ADCY2: variants seen among roughly 807,000 people sequenced by gnomAD.
The protein encoded by ADCY2 is adenylate cyclase 2, also known as adenylate cyclase type 2.
A neutral mutation model predicts 125.2 loss-of-function variants in ADCY2; 31 were observed. The observed-to-expected ratio is 0.25, with a 90% confidence interval of 0.19 to 0.33. The LOEUF (loss-of-function observed/expected upper bound fraction) is 0.33. Among genes scored for constraint, ADCY2 ranks in the 10% least tolerant of loss-of-function variants. The pLI is 1.00. For synonymous variants in ADCY2, 512 were observed against 548.4 expected (o/e 0.93, Z 0.93); for missense variants, 904 against 1,418.2 (o/e 0.64, Z 5.82).
In ADCY2 at chr5:7,690,703, C is replaced by A. The variant is rs777192402; in HGVS notation, c.733C>A (p.Leu245Ile). 3 of 1,593,036 alleles carry A rather than the reference C, an allele frequency of 1.9e-6. No individual in the cohort carries two copies. The highest frequency in any genetic ancestry group is 1.7e-6 in the Non-Finnish European group (2 of 1,171,298). ...FEKRQQERLLLSLLPAHIAME... is the reference protein window; with the variant it reads ...FEKRQQERLLISLLPAHIAME... ...CCACCTTGTCCAGGAGCGGCTTCTGCTCTCCCTGCTGCCGGCCCACATCGC... is the reference window on the plus strand; with the variant it reads ...CCACCTTGTCCAGGAGCGGCTTCTGATCTCCCTGCTGCCGGCCCACATCGC... The change falls in exon 5 of 25, where the codon CTC becomes ATC. Residue 245 changes from leucine to isoleucine, a missense_variant. Physicochemically the swap from Leu to Ile is conservative, Grantham distance 5. Coordinates refer to ENST00000338316, the MANE Select transcript of ADCY2 (RefSeq NM_020546.3).
At chr5:7,615,866 A>C (rs1257997995) in intron 3 of ADCY2, among the ~76,000 whole-genome samples, 1 of 152,244 alleles carries the variant, frequency 6.6e-6, no homozygotes, top group African/African-American at 2.4e-5. Context: ...TGTAGGTGGC[A>C]GTATTGAATC....
intron 1 of ADCY2, among the ~76,000 whole-genome samples, chr5:7,402,897 AC>A (rs1739318556): frequency 6.6e-6 from 1 of 152,278 alleles, no homozygotes. Flanking sequence ...TAGGGTCATC[AC>A]CCCATAGAAA....
In ADCY2 at chr5:7,400,285, A is replaced by AC. The variant is rs774141710; in HGVS notation, c.210+3779_210+3780insC. ...TGAAATAAGAGTATGCACTTTTATT[A>AC]ACTATAAATAGGTAATATATGTGAC... On this transcript the variant is annotated intron_variant, in intron 1 of 24. Transcript: ENST00000338316. 2.0e-5 allele frequency among the ~76,000 whole-genome samples: 3 copies of AC among 152,352 alleles called. No individual in the cohort carries two copies. In the East Asian group the frequency reaches 5.8e-4, roughly 29 times the overall value.
chr5:7,555,342 A>G (rs1272955539), intron 3 of ADCY2, among the ~76,000 whole-genome samples: 1 of 152,180 alleles, frequency 6.6e-6, no homozygotes, highest in Non-Finnish European at 1.5e-5. Context: ...AAAATTATGA[A>G]AACTTAAGTG....
chr5:7,820,699 AGT>A lies in ADCY2; in HGVS notation c.3123+14_3123+15del, dbSNP rs1219404258. 1 of 1,612,434 alleles carries A rather than the reference AGT, an allele frequency of 6.2e-7. No homozygotes were observed. The highest frequency in any genetic ancestry group is 1.7e-5 in the Admixed American group (1 of 59,954). ...CCTGGACAAAATACAGGTAATGCAG[AGT>A]GTGGTCTGCGCTGCCTGCATCAACC... On this transcript the variant is annotated intron_variant, in intron 24 of 24. Coordinates refer to ENST00000338316, the MANE Select transcript of ADCY2 (RefSeq NM_020546.3).
intron 7 of ADCY2, among the ~76,000 whole-genome samples, chr5:7,702,296 G>T (rs920231718): frequency 6.9e-6 from 1 of 144,144 alleles, no homozygotes; most frequent in African/African-American, 2.6e-5. Context: ...TGTTATATAT[G>T]TATACATGTG....
chr5:7,711,573 T>C (rs962940436), intron 10 of ADCY2, among the ~76,000 whole-genome samples: 4 of 152,228 alleles, frequency 2.6e-5, no homozygotes, highest in African/African-American at 9.6e-5. Context: ...TCAGCCTTTA[T>C]TGTCTTAAGA....
intron 3 of ADCY2, 27 bp from the exon 4 acceptor site, chr5:7,626,140 A>G (rs201660242): frequency 6.2e-7 from 1 of 1,604,376 alleles, no homozygotes; most frequent in African/African-American, 1.3e-5. Context: ...CAGTTACCCT[A>G]TTGAGCAGCT....
chr5:7,800,648 T>G (rs1403776722), intron 20 of ADCY2: 1 of 151,808 alleles, frequency 6.6e-6, no homozygotes, highest in Non-Finnish European at 1.5e-5. Context: ...GGCAATAGAG[T>G]GAGACTTTGT....
At chr5:7,665,216 A>G (rs897418717) in intron 4 of ADCY2, among the ~76,000 whole-genome samples, 1 of 152,130 alleles carries the variant, frequency 6.6e-6, no homozygotes, top group Non-Finnish European at 1.5e-5. Flanking sequence ...GACTCTTTTC[A>G]TCAACACCAT....
chr5:7,826,600 AGGAGTGGAATTCCTG>A (rs1561050935), intron 24 of ADCY2, 104 bp from the exon 25 acceptor site: 1 of 1,303,614 alleles, frequency 7.7e-7, no homozygotes, highest in Non-Finnish European at 1.1e-6. Flanking sequence ...CTAACTTCTC[AGGAGTGGAATTCCTG>A]GGTCAAAGAG....
intron 20 of ADCY2, chr5:7,801,119 G>C (rs1744581190): frequency 6.6e-6 from 1 of 152,174 alleles, no homozygotes; most frequent in African/African-American, 2.4e-5. Flanking sequence ...GGCTCTGATG[G>C]GTTTGTGACG....
intron 2 of ADCY2, among the ~76,000 whole-genome samples, chr5:7,441,644 T>G (rs954008040): frequency 3.9e-5 from 6 of 152,180 alleles, no homozygotes. Flanking sequence ...ATAACCACCA[T>G]GATATTTGTG....
At chr5:7,412,653 A>G (rs1346022906) in intron 1 of ADCY2, among the ~76,000 whole-genome samples, 2 of 152,250 alleles carry the variant, frequency 1.3e-5, no homozygotes, top group Non-Finnish European at 2.9e-5. Flanking sequence ...CATTTGATCT[A>G]CTTGTTTTCT....
At chr5:7,711,576 TCTTAAGA>T (rs980867872) in intron 10 of ADCY2, among the ~76,000 whole-genome samples, 4 of 152,214 alleles carry the variant, frequency 2.6e-5, no homozygotes, top group Admixed American at 2.6e-4. Flanking sequence ...GCCTTTATTG[TCTTAAGA>T]CTTAAGAGTG....
At chr5:7,504,068 G>T (rs1743706117) in intron 2 of ADCY2, among the ~76,000 whole-genome samples, 1 of 152,116 alleles carries the variant, frequency 6.6e-6, no homozygotes, top group African/African-American at 2.4e-5. Flanking sequence ...ATGTGAAGAG[G>T]TATTTCAGCT....
intron 4 of ADCY2, among the ~76,000 whole-genome samples, chr5:7,679,307 G>T (rs1380070065): frequency 6.6e-6 from 1 of 152,170 alleles, no homozygotes; most frequent in Non-Finnish European, 1.5e-5. Flanking sequence ...GAGGCTGCAG[G>T]GTCAAAGAAA....
At chr5:7,592,590 T>C (rs990285963) in intron 3 of ADCY2, among the ~76,000 whole-genome samples, 11 of 152,074 alleles carry the variant, frequency 7.2e-5, no homozygotes, top group African/African-American at 2.7e-4. Flanking sequence ...CTTGAGAATA[T>C]ATAAGAAAAC....
intron 2 of ADCY2, among the ~76,000 whole-genome samples, chr5:7,509,136 G>A (rs1743961133): frequency 6.6e-6 from 1 of 152,186 alleles, no homozygotes; most frequent in African/African-American, 2.4e-5. Flanking sequence ...CTTCACTCTG[G>A]AAGACTTCAG....
Sources: gnomAD v4.1 joint callset for allele counts (sites outside exome capture counted in the v4.1 genomes callset) on GRCh38, gnomAD v4.1.1 for gene constraint, MANE v1.5 for transcripts, NCBI Gene and HGNC (gene_info 2026-07-23, HGNC 2026-07-21) for gene names.